The following ZNF136 variants were observed in gnomAD, a reference collection of about 807,000 sequenced individuals.
ZNF136 encodes the protein zinc finger protein 136.
ZNF136 carries 8 observed loss-of-function variants against 11.4 expected under a neutral mutation model. The ratio of observed to expected loss-of-function variants is 0.70; its 90% CI spans 0.41 to 1.27. ZNF136 has a LOEUF of 1.27. ZNF136 is among the 50% of genes most tolerant of loss of function. The pLI, the probability that ZNF136 is intolerant of heterozygous loss-of-function variation, is 0.01. For missense variants in ZNF136, 590 were observed against 656.5 expected (o/e 0.90, Z 1.11); for synonymous variants, 190 against 207.1 (o/e 0.92, Z 0.71).
intron 1 of ZNF136, among the ~76,000 whole-genome samples, chr19:12,175,934 A>G (rs1393318890): frequency 6.6e-6 from 1 of 152,184 alleles, no homozygotes; most frequent in East Asian, 1.9e-4. Flanking sequence ...CCACTTAGTA[A>G]TAAGCATTTG....
At position 12,188,039 on chromosome 19, in the gene ZNF136, T is replaced by C. The variant is rs753363282; in HGVS notation, c.*38T>C. 6.9e-7 allele frequency: 1 copy of C among 1,458,216 alleles called. No homozygotes were observed. Among genetic ancestry groups the C allele is most frequent in the Admixed American group, 2.6e-5 (1 of 39,026 alleles). 90.3% of individuals were successfully genotyped at this position (1,458,216 alleles called of 1,614,324 possible). A position where few individuals can be genotyped will look rare whatever the true frequency, so the allele number is the denominator to read the frequency against. On this transcript the variant is annotated 3_prime_UTR_variant, in exon 4 of 4. Transcript: ENST00000343979. ...ATGTCAGATACATTAAAATACTCACTGAAGAGAAGCCCTATGAATGTAAGT... is the reference window on the plus strand; with the variant it reads ...ATGTCAGATACATTAAAATACTCACCGAAGAGAAGCCCTATGAATGTAAGT...
chr19:12,163,687 C>T (rs564498013), intron 1 of ZNF136: 2 of 160,392 alleles, frequency 1.2e-5, no homozygotes, highest in Non-Finnish European at 2.7e-5. Context: ...TCTCTTTTCG[C>T]TTTTCCAAAC....
At chr19:12,186,516 A>G (rs964911513) in intron 3 of ZNF136, 54 bp from the exon 4 acceptor site, 4 of 1,384,526 alleles carry the variant, frequency 2.9e-6, no homozygotes, top group Non-Finnish European at 2.9e-6. Context: ...TTTAATAGCT[A>G]TTAATATAAA....
At chr19:12,183,059 G>A (rs1914983006) in intron 1 of ZNF136, among the ~76,000 whole-genome samples, 1 of 152,050 alleles carries the variant, frequency 6.6e-6, no homozygotes, top group African/African-American at 2.4e-5. Flanking sequence ...TTAAAAATTT[G>A]TATTTAATTT....
At chr19:12,168,442 T>C (rs1914546199) in intron 1 of ZNF136, among the ~76,000 whole-genome samples, 1 of 152,114 alleles carries the variant, frequency 6.6e-6, no homozygotes, top group Admixed American at 6.6e-5. Flanking sequence ...GTAAAAATTC[T>C]GGAATGAAGA....
intron 1 of ZNF136, chr19:12,164,769 G>A (rs1381002335): frequency 6.6e-6 from 1 of 152,128 alleles, no homozygotes; most frequent in African/African-American, 2.4e-5. Flanking sequence ...GATAAATGTG[G>A]GTCCTTTTAA....
At chr19:12,176,183 C>T (rs1914787266) in intron 1 of ZNF136, among the ~76,000 whole-genome samples, 1 of 152,092 alleles carries the variant, frequency 6.6e-6, no homozygotes, top group Admixed American at 6.6e-5. Context: ...TTTGGATAAA[C>T]CTACCTTTGG....
chr19:12,178,729 G>A (rs577819976), intron 1 of ZNF136, among the ~76,000 whole-genome samples: 4 of 152,062 alleles, frequency 2.6e-5, no homozygotes, highest in Admixed American at 2.6e-4. Context: ...GGTGGCTCAC[G>A]CCTGTAATCC....
At chr19:12,181,450 T>C (rs192142771) in intron 1 of ZNF136, among the ~76,000 whole-genome samples, 3 of 151,986 alleles carry the variant, frequency 2.0e-5, no homozygotes, top group African/African-American at 7.3e-5. Flanking sequence ...TTGGTTTTTT[T>C]GTTTTGTTTT....
intron 1 of ZNF136, among the ~76,000 whole-genome samples, chr19:12,175,721 T>C (rs1914773161): frequency 6.6e-6 from 1 of 152,230 alleles, no homozygotes; most frequent in African/African-American, 2.4e-5. Context: ...TCTGTGAGTT[T>C]TGACAACTAT....
chr19:12,171,390 G>A (rs1914650305), intron 1 of ZNF136, among the ~76,000 whole-genome samples: 1 of 152,174 alleles, frequency 6.6e-6, no homozygotes, highest in Non-Finnish European at 1.5e-5. Flanking sequence ...GACCATGTAT[G>A]CATGTGTATT....
At chr19:12,166,309 T>C (rs1278825562) in intron 1 of ZNF136, among the ~76,000 whole-genome samples, 1 of 152,128 alleles carries the variant, frequency 6.6e-6, no homozygotes, top group African/African-American at 2.4e-5. Context: ...ATGTGTAGTA[T>C]ATGTGTAGTA....
intron 1 of ZNF136, among the ~76,000 whole-genome samples, chr19:12,181,792 G>A (rs1277159370): frequency 6.6e-6 from 1 of 152,016 alleles, no homozygotes; most frequent in African/African-American, 2.4e-5. Flanking sequence ...CCACCACTAC[G>A]CCCGGCTAAT....
At chr19:12,173,556 G>T (rs958617733) in intron 1 of ZNF136, among the ~76,000 whole-genome samples, 3 of 152,168 alleles carry the variant, frequency 2.0e-5, no homozygotes, top group Non-Finnish European at 4.4e-5. Context: ...AAGCTCCTGT[G>T]CTTGGGACCC....
chr19:12,180,546 A>G (rs543397255), intron 1 of ZNF136, among the ~76,000 whole-genome samples: 11 of 152,324 alleles, frequency 7.2e-5, no homozygotes, highest in African/African-American at 2.2e-4. Flanking sequence ...GTGTGAGATA[A>G]TACGGAAGCT....
At chr19:12,167,501 G>A (rs185187740) in intron 1 of ZNF136, among the ~76,000 whole-genome samples, 6 of 152,360 alleles carry the variant, frequency 3.9e-5, no homozygotes, top group Non-Finnish European at 7.3e-5. Flanking sequence ...TGAGGCCAGA[G>A]GATAGCTTGA....
Position 12,186,766 on chromosome 19 carries a change from A to G in ZNF136, c.388A>G (p.Lys130Glu). 1 of 1,614,192 alleles carries G rather than the reference A, an allele frequency of 6.2e-7. No individual in the cohort carries two copies. Among genetic ancestry groups the G allele is most frequent in the Non-Finnish European group, 8.5e-7 (1 of 1,180,018 alleles). ...CAAAGATCACAGTGGACATGAACCA[A>G]AGGAATATCAGGAATATGGAGAGAA... is the stretch of plus-strand genomic sequence containing the variant. ...HIKDHSGHEP[K>E]EYQEYGEKPD... Residue 130 changes from lysine (K) to glutamate (E), a missense_variant, in exon 4 of 4, where the codon AAG (lysine) becomes GAG (glutamate). Lys to Glu is a moderately conservative substitution (Grantham distance 56). Coordinates refer to ENST00000343979, the MANE Select transcript of ZNF136 (RefSeq NM_003437.5).
In ZNF136 at chr19:12,187,551, T is replaced by G; in HGVS notation, c.1173T>G (p.Pro391=). ...TGATAAAACATACTGGAGAAGGACCTTATAAATGTAAGGTATGTGGGAAAC... is the reference window on the plus strand; with the variant it reads ...TGATAAAACATACTGGAGAAGGACCGTATAAATGTAAGGTATGTGGGAAAC... ...RHMIKHTGEG[P]YKCKVCGKPF... is the part of the protein sequence containing the mutation. The change falls in exon 4 of 4, where the codon CCT becomes CCG. Residue 391 remains proline, a synonymous_variant. Coordinates refer to ENST00000343979, the MANE Select transcript of ZNF136 (RefSeq NM_003437.5). 3 of 1,613,720 alleles carry G rather than the reference T, an allele frequency of 1.9e-6. No individual in the cohort carries two copies. Among genetic ancestry groups the G allele is most frequent in the Non-Finnish European group, 2.5e-6 (3 of 1,179,920 alleles).
chr19:12,187,716 A>T lies in ZNF136; in HGVS notation c.1338A>T (p.Lys446Asn), dbSNP rs139239418. 6.2e-7 allele frequency: 1 copy of T among 1,614,000 alleles called. No homozygotes were observed. The stretch of plus-strand genomic sequence containing the variant: ...ATGAAAGAACTCATACTGGAGAGAA[A>T]CCCTATGAGTGTAAGCAATGTGGGA... ...RIHERTHTGE[K>N]PYECKQCGKA... is the part of the protein sequence containing the mutation. The change falls in exon 4 of 4, where the codon AAA (lysine) becomes AAT (asparagine). Residue 446 changes from lysine to asparagine, a missense_variant. Coordinates refer to ENST00000343979, the MANE Select transcript of ZNF136 (RefSeq NM_003437.5).
Sources: gnomAD v4.1 joint callset for allele counts (sites outside exome capture counted in the v4.1 genomes callset) on GRCh38, gnomAD v4.1.1 for gene constraint, MANE v1.5 for transcripts, NCBI Gene and HGNC (gene_info 2026-07-23, HGNC 2026-07-21) for gene names.